VAV2: variants seen among roughly 807,000 people sequenced by gnomAD.
VAV2 encodes vav guanine nucleotide exchange factor 2.
Under a neutral mutation model 132.5 loss-of-function variants are expected in VAV2, and 67 were observed. The observed-to-expected ratio is 0.51, with a 90% CI of 0.42 to 0.62. The LOEUF is 0.62. VAV2 is among the 20% of genes least tolerant of loss of function. The probability of loss-of-function intolerance (pLI) is 0.00; values close to 1 mark genes in which losing one functional copy is unlikely to be tolerated. For missense variants in VAV2, 938 were observed against 1,153.6 expected, an observed-to-expected ratio of 0.81 and a Z score of 2.71; for synonymous variants, 492 against 443.5, an observed-to-expected ratio of 1.11 and a Z score of -1.37.
intron 2 of VAV2, among the ~76,000 whole-genome samples, chr9:133,862,308 G>A (rs1053656176): frequency 5.3e-5 from 8 of 152,250 alleles, no homozygotes; most frequent in Admixed American, 1.3e-4. Context: ...CGGGGAACCC[G>A]CGGTGGGGGA....
At chr9:133,896,675 T>C (rs911547864) in intron 2 of VAV2, among the ~76,000 whole-genome samples, 2 of 152,196 alleles carry the variant, frequency 1.3e-5, no homozygotes, top group African/African-American at 4.8e-5. Context: ...AGCAACACTG[T>C]AATTCCATTC....
intron 2 of VAV2, among the ~76,000 whole-genome samples, chr9:133,900,804 T>C (rs1161727567): frequency 6.6e-6 from 1 of 150,986 alleles, no homozygotes; most frequent in Non-Finnish European, 1.5e-5. Flanking sequence ...TATTTATTTA[T>C]TTATGTATTT....
intron 17 of VAV2, among the ~76,000 whole-genome samples, chr9:133,785,557 G>T (rs1834183880): frequency 6.6e-6 from 1 of 152,200 alleles, no homozygotes; most frequent in African/African-American, 2.4e-5. Flanking sequence ...GGCTGTGGCA[G>T]AGGGAGAGCC....
Position 133,991,233 on chromosome 9 carries a change from C to G in VAV2, c.204+842G>C, listed in dbSNP as rs1281856743. The stretch of plus-strand genomic sequence containing the variant: ...GCTGCTCCCGGTAAGGATTCCGCGA[C>G]CCCCGGAGAACAGGACGGAAGCCTC... On this transcript the variant is annotated intron_variant, in intron 1 of 29. Coordinates refer to ENST00000371850, the MANE Select transcript of VAV2 (RefSeq NM_001134398.2). The surrounding 1 kb of genome is among the most constrained non-coding windows in gnomAD (Gnocchi z 4.8). Among the ~76,000 whole-genome samples, 4 of 152,160 alleles carry G rather than the reference C, an allele frequency of 2.6e-5. No homozygotes were observed. The highest frequency in any genetic ancestry group is 4.2e-4 in the South Asian group (2 of 4,818).
At chr9:133,906,723 A>T (rs924081705) in intron 2 of VAV2, among the ~76,000 whole-genome samples, 20 of 152,310 alleles carry the variant, frequency 1.3e-4, no homozygotes, top group Middle Eastern at 3.4e-3. Flanking sequence ...GGCACAGCTC[A>T]CAAGTCAGAA....
intron 2 of VAV2, among the ~76,000 whole-genome samples, chr9:133,903,125 A>C (rs1839508899): frequency 6.6e-6 from 1 of 151,382 alleles, no homozygotes; most frequent in Admixed American, 6.6e-5. Context: ...AGATAGGCAC[A>C]GAGGAAAGAC....
chr9:133,793,509 G>A (rs989584884), intron 12 of VAV2, among the ~76,000 whole-genome samples: 2 of 152,164 alleles, frequency 1.3e-5, no homozygotes, highest in Non-Finnish European at 2.9e-5. Context: ...TTAAAATAAG[G>A]AATAAATTCC....
At chr9:133,946,498 C>T (rs948973205) in intron 1 of VAV2, among the ~76,000 whole-genome samples, 1 of 152,340 alleles carries the variant, frequency 6.6e-6, no homozygotes, top group Non-Finnish European at 1.5e-5. Flanking sequence ...CCACGCCCTG[C>T]GGCAAAGGCT....
At chr9:133,964,889 G>A (rs1403559499) in intron 1 of VAV2, among the ~76,000 whole-genome samples, 1 of 152,120 alleles carries the variant, frequency 6.6e-6, no homozygotes, top group Non-Finnish European at 1.5e-5. Context: ...GAACCTGAAA[G>A]CTTTTTCTCT....
chr9:133,779,302 C>T (rs1833922251), intron 21 of VAV2, among the ~76,000 whole-genome samples: 1 of 152,210 alleles, frequency 6.6e-6, no homozygotes, highest in South Asian at 2.1e-4. Context: ...AATGGGGGTC[C>T]TGGCTGTGCC....
intron 3 of VAV2, among the ~76,000 whole-genome samples, chr9:133,848,446 T>C (rs1837036184): frequency 6.6e-6 from 1 of 152,174 alleles, no homozygotes; most frequent in Non-Finnish European, 1.5e-5. Context: ...AACTTCCAAG[T>C]TTCTTGTTCT....
intron 12 of VAV2, 32 bp from the exon 13 acceptor site, chr9:133,791,901 G>A: frequency 1.3e-6 from 2 of 1,585,908 alleles, no homozygotes; most frequent in Non-Finnish European, 1.7e-6. Context: ...TGAGCGGGCT[G>A]TGCTGGGTGG....
At position 133,900,393 on chromosome 9, in the gene VAV2, C is replaced by G. The variant is rs560371212; in HGVS notation, c.321+38710G>C. Among the ~76,000 whole-genome samples, 106 of 152,232 alleles carry G rather than the reference C, an allele frequency of 7.0e-4. 2 individuals are homozygous for G. The highest frequency in any genetic ancestry group is 2.4e-3 in the African/African-American group (98 of 41,542). On this transcript the variant is annotated intron_variant, in intron 2 of 29. Transcript: ENST00000371850. ...CATAGAAACTAGAATGCCTCTTCCCCCAAGCAGGTCTTAGAAACCAGAACC... is the reference window on the plus strand; with the variant it reads ...CATAGAAACTAGAATGCCTCTTCCCGCAAGCAGGTCTTAGAAACCAGAACC...
chr9:133,795,530 C>T lies in VAV2; in HGVS notation c.1101+138G>A, dbSNP rs1564355304. 14 of 1,096,496 alleles carry T rather than the reference C, an allele frequency of 1.3e-5. No individual in the cohort carries two copies. In the East Asian group the frequency reaches 3.4e-4, roughly 26 times the overall value. 67.9% of individuals were successfully genotyped at this position (1,096,496 alleles called of 1,614,324 possible). Reference sequence around the variant, plus strand: ...TGTGGGTCTCACCCACTGCCCTGCCCTGCCCTGCCCCAACTCCTGCTGTCC... The same window carrying T: ...TGTGGGTCTCACCCACTGCCCTGCCTTGCCCTGCCCCAACTCCTGCTGTCC... On this transcript the variant is annotated intron_variant, in intron 12 of 29. Transcript: ENST00000371850.
At chr9:133,948,497 G>C (rs1472365060) in intron 1 of VAV2, among the ~76,000 whole-genome samples, 3 of 152,208 alleles carry the variant, frequency 2.0e-5, no homozygotes, top group Non-Finnish European at 4.4e-5. Flanking sequence ...CTGGCAGAGA[G>C]AGGGGCAGGC....
intron 25 of VAV2, 151 bp downstream of exon 25, chr9:133,774,784 A>T: frequency 1.4e-6 from 1 of 729,038 alleles, no homozygotes; most frequent in Non-Finnish European, 2.3e-6. Context: ...CTGACCCCTC[A>T]GCACCGCTTT....
At chr9:133,929,957 A>G (rs1008554556) in intron 2 of VAV2, among the ~76,000 whole-genome samples, 8 of 152,222 alleles carry the variant, frequency 5.3e-5, no homozygotes, top group Admixed American at 4.6e-4. Context: ...TGCCACATAA[A>G]AAACAGATAA....
At chr9:133,942,922 G>A (rs1841223306) in intron 1 of VAV2, among the ~76,000 whole-genome samples, 1 of 152,208 alleles carries the variant, frequency 6.6e-6, no homozygotes, top group African/African-American at 2.4e-5. Context: ...GACAAAGCCT[G>A]GGGGCCACGT....
At position 133,788,413 on chromosome 9, in the gene VAV2, T is replaced by C. The variant is rs1834320777; in HGVS notation, c.1348A>G (p.Ile450Val). The C allele has an allele frequency of 1.2e-6, 2 of 1,612,096 alleles. No homozygotes were observed. The highest frequency in any genetic ancestry group is 1.7e-6 in the Non-Finnish European group (2 of 1,178,408). Residue 450 changes from isoleucine (I) to valine (V), a missense_variant, in exon 15 of 30, where the codon ATC becomes GTC. Transcript: ENST00000371850. The surrounding 1 kb of genome is among the most constrained non-coding windows in gnomAD (Gnocchi z 5.3). ...KGYSYELKEIIELLFHKMTDD... is the reference protein window; with the variant it reads ...KGYSYELKEIVELLFHKMTDD... ...GTCATCTTGTGGAACAGCAGCTCGA[T>C]GATCTCCTTGAGCTCGTAGCTGTAG... is the stretch of plus-strand genomic sequence containing the variant.
Sources: gnomAD v4.1 joint callset for allele counts (sites outside exome capture counted in the v4.1 genomes callset) on GRCh38, gnomAD v4.1.1 for gene constraint, Gnocchi (gnomAD v3.1) non-coding constraint, MANE v1.5 for transcripts, NCBI Gene and HGNC (gene_info 2026-07-23, HGNC 2026-07-21) for gene names.